Variants in TRPV3 observed in about 807,000 individuals in gnomAD.
The protein encoded by TRPV3 is transient receptor potential cation channel subfamily V member 3.
In TRPV3, 88 loss-of-function variants were observed where a neutral mutation model predicts 87.1. That is an observed-to-expected ratio of 1.01 (90% CI 0.85 to 1.21). TRPV3 has a LOEUF of 1.21. Ranked by LOEUF, TRPV3 falls within the 50% of genes most tolerant of loss-of-function variation. TRPV3 has a pLI of 0.00. For synonymous variants in TRPV3, 438 were observed against 423.3 expected, an observed-to-expected ratio of 1.03 and a Z score of -0.43; for missense variants, 1,054 against 1,030.1, an observed-to-expected ratio of 1.02 and a Z score of -0.32.
intron 13 of TRPV3, among the ~76,000 whole-genome samples, chr17:3,521,436 T>C (rs536976865): frequency 6.6e-6 from 1 of 152,180 alleles, no homozygotes; most frequent in East Asian, 1.9e-4. Flanking sequence ...CAGAACTAAA[T>C]CAATGAATAA....
At chr17:3,529,584 G>A (rs561319606) in intron 9 of TRPV3, among the ~76,000 whole-genome samples, 271 of 152,192 alleles carry the variant, frequency 1.8e-3, no homozygotes, top group Non-Finnish European at 3.1e-3. Context: ...CCTCCAGGAA[G>A]GCCCCCCGAT....
intron 2 of TRPV3, chr17:3,546,656 C>T (rs1387653894): frequency 2.2e-6 from 1 of 455,856 alleles, no homozygotes; most frequent in Admixed American, 2.4e-5. Context: ...CAAGGTCACG[C>T]AGCAGATAGG....
chr17:3,525,298 G>C (rs1357150076), intron 12 of TRPV3, among the ~76,000 whole-genome samples: 1 of 152,226 alleles, frequency 6.6e-6, no homozygotes, highest in Non-Finnish European at 1.5e-5. Context: ...GGGATTACAG[G>C]CGTGAGCCAA....
At chr17:3,543,739 C>T in intron 4 of TRPV3, 111 bp from the exon 5 acceptor site, 1 of 1,430,466 alleles carries the variant, frequency 7.0e-7, no homozygotes, top group African/African-American at 1.4e-5. Flanking sequence ...CAACATCTCC[C>T]ATGCCTGTCA....
At chr17:3,514,363 G>A in intron 17 of TRPV3, 1 of 560,828 alleles carries the variant, frequency 1.8e-6, no homozygotes, top group Non-Finnish European at 3.2e-6. Context: ...ACAGGCACGA[G>A]CCACCGCGCC....
chr17:3,550,520 CTTTT>C (rs35400667), intron 2 of TRPV3, among the ~76,000 whole-genome samples: 1 of 92,182 alleles, frequency 1.1e-5, no homozygotes, highest in Non-Finnish European at 2.1e-5. Context: ...CCTGCCTGCT[CTTTT>C]TTTTTTTTTT....
intron 2 of TRPV3, among the ~76,000 whole-genome samples, chr17:3,551,785 C>T (rs1195559619): frequency 6.6e-6 from 1 of 151,818 alleles, no homozygotes; most frequent in Non-Finnish European, 1.5e-5. Context: ...CTCCTATCTC[C>T]AGACTCCCTG....
chr17:3,535,282 C>T (rs1193022681), intron 7 of TRPV3, among the ~76,000 whole-genome samples: 1 of 124,484 alleles, frequency 8.0e-6, no homozygotes, highest in Non-Finnish European at 1.8e-5. Flanking sequence ...CTCCCTCCTC[C>T]CTTCCTCCCT....
Position 3,524,295 on chromosome 17 carries a change from G to A in TRPV3, c.1646C>T (p.Ala549Val), listed in dbSNP as rs772112907. Residue 549 changes from alanine to valine, a missense_variant, in exon 13 of 18, where the codon GCC becomes GTC. Ala to Val is a moderately conservative substitution (Grantham distance 64). Transcript: ENST00000576742. ...LYLFAYKEYL[A>V]CLVLAMALGW... ...CAGGGCCATGGCCAGCACGAGGCAG[G>A]CGAGGTACTCTTTGTAGGCAAACAA... The A allele has an allele frequency of 6.0e-5, 97 of 1,614,256 alleles. 1 individual carries two copies. The South Asian group carries it at 8.5e-4, about 14-fold the overall frequency.
At chr17:3,546,003 A>G (rs1280578181) in intron 2 of TRPV3, among the ~76,000 whole-genome samples, 1 of 133,490 alleles carries the variant, frequency 7.5e-6, no homozygotes, top group Non-Finnish European at 1.7e-5. Flanking sequence ...AAAAAAAAAA[A>G]AAAAGAAAGA....
At chr17:3,537,419 AC>A (rs1243186943) in intron 6 of TRPV3, among the ~76,000 whole-genome samples, 1 of 151,962 alleles carries the variant, frequency 6.6e-6, no homozygotes, top group East Asian at 1.9e-4. Context: ...ACAGGCCTGC[AC>A]CACCACTCCC....
At position 3,514,633 on chromosome 17, in the gene TRPV3, G is replaced by C; in HGVS notation, c.2238C>G (p.Val746=). ...GCCCCGGGTCTTCGTTAAGGAAGGAGACGTGCGTCTTCCATTCAGTCCACT... is the reference window on the plus strand; with the variant it reads ...GCCCCGGGTCTTCGTTAAGGAAGGACACGTGCGTCTTCCATTCAGTCCACT... The part of the protein sequence containing the change: ...EVKWTEWKTH[V]SFLNEDPGPV... The change falls in exon 17 of 18, where the codon GTC becomes GTG. Residue 746 remains valine (V), a synonymous_variant. Transcript: ENST00000576742. 6.2e-7 allele frequency: 1 copy of C among 1,614,104 alleles called. No individual in the cohort carries two copies.
At position 3,513,319 on chromosome 17, in the gene TRPV3, G is replaced by C. The variant is rs554116946; in HGVS notation, c.*598C>G. Reference sequence around the variant, plus strand: ...TTTGAACCTTGGGGTGTCAGGGGACGTTCACTCCAAGGATGGTCTCCTTTT... The same window carrying C: ...TTTGAACCTTGGGGTGTCAGGGGACCTTCACTCCAAGGATGGTCTCCTTTT... On this transcript the variant is annotated 3_prime_UTR_variant, in exon 18 of 18. Coordinates refer to ENST00000576742, the MANE Select transcript of TRPV3 (RefSeq NM_145068.4). 2 of 152,654 alleles carry C rather than the reference G, an allele frequency of 1.3e-5. No individual in the cohort carries two copies. The highest frequency in any genetic ancestry group is 4.8e-5 in the African/African-American group (2 of 41,442). The allele number at this position is 152,654 out of a possible 1,614,324, so 9.5% of individuals were successfully genotyped here.
At chr17:3,554,655 C>A in intron 2 of TRPV3, 77 bp downstream of exon 2, 2 of 1,013,726 alleles carry the variant, frequency 2.0e-6, no homozygotes, top group South Asian at 1.5e-5. Context: ...AAGGCAAGGG[C>A]TCCCTGGGGG....
Position 3,526,908 on chromosome 17 carries a change from A to G in TRPV3, c.1523T>C (p.Leu508Pro), listed in dbSNP as rs779698948. The change falls in exon 12 of 18, where the codon CTG becomes CCG. Residue 508 changes from leucine to proline, a missense_variant. By Grantham distance (98) the Leu-to-Pro change is moderately conservative. Transcript: ENST00000576742. Reference protein sequence around the residue: ...SVKEGIAIFLLRPSDLQSILS... With the variant: ...SVKEGIAIFLPRPSDLQSILS... ...GATGGACTGCAGATCCGAGGGTCTC[A>G]GCAGGAAGATGGCAATGCCCTAAGG... 1.9e-6 allele frequency: 3 copies of G among 1,612,068 alleles called. No individual in the cohort carries two copies. The highest frequency in any genetic ancestry group is 2.5e-6 in the Non-Finnish European group (3 of 1,179,230).
In TRPV3 at chr17:3,528,156, T is replaced by G; in HGVS notation, c.1402-30A>C. ...AGGGAAAGAAGAGGGGTGGTCAGTA[T>G]AGGAAGCAAGGAGGACAGGGCTGGC... On this transcript the variant is annotated intron_variant, in intron 10 of 17. Transcript: ENST00000576742. The surrounding 1 kb of genome is among the most constrained non-coding windows in gnomAD (Gnocchi z 4.2). The G allele has an allele frequency of 6.3e-7, 1 of 1,578,340 alleles. No individual in the cohort carries two copies. Among genetic ancestry groups the G allele is most frequent in the Non-Finnish European group, 8.7e-7 (1 of 1,155,228 alleles).
At chr17:3,515,531 T>C (rs1395047481) in intron 16 of TRPV3, among the ~76,000 whole-genome samples, 3 of 151,962 alleles carry the variant, frequency 2.0e-5, no homozygotes, top group Non-Finnish European at 2.9e-5. Context: ...CGTGGTGGCA[T>C]ATGCCTGCAG....
intron 2 of TRPV3, 160 bp downstream of exon 2, chr17:3,554,572 C>T (rs568376085): frequency 5.4e-5 from 33 of 608,792 alleles, no homozygotes; most frequent in African/African-American, 4.8e-4. Flanking sequence ...TGCTCCCCAC[C>T]GCACCATCCC....
At position 3,512,107 on chromosome 17, in the gene TRPV3, T is replaced by C; in HGVS notation, c.*1810A>G. 6.6e-6 allele frequency: 1 copy of C among 152,246 alleles called. No homozygotes were observed. The highest frequency in any genetic ancestry group is 1.9e-4 in the East Asian group (1 of 5,200). The allele number at this position is 152,246 out of a possible 1,614,324, so 9.4% of individuals were successfully genotyped here. On this transcript the variant is annotated 3_prime_UTR_variant, in exon 18 of 18. Transcript: ENST00000576742. ...AGCTTCTGCTTAAACATCTCCAACATCTGGAGCAGTTGCTGGATTCTGTTG... is the reference window on the plus strand; with the variant it reads ...AGCTTCTGCTTAAACATCTCCAACACCTGGAGCAGTTGCTGGATTCTGTTG...
Sources: gnomAD v4.1 joint callset for allele counts (sites outside exome capture counted in the v4.1 genomes callset) on GRCh38, gnomAD v4.1.1 for gene constraint, Gnocchi (gnomAD v3.1) non-coding constraint, MANE v1.5 for transcripts, NCBI Gene and HGNC (gene_info 2026-07-23, HGNC 2026-07-21) for gene names.